The following SUMF1 variants were observed in gnomAD, a reference collection of about 807,000 sequenced individuals.
SUMF1 encodes the protein formylglycine-generating enzyme.
SUMF1 carries 48 observed loss-of-function variants against 47.6 expected under a neutral mutation model. The ratio of observed to expected loss-of-function variants is 1.01; its 90% CI spans 0.80 to 1.28. SUMF1 has a LOEUF of 1.28. SUMF1 is among the 50% of genes most tolerant of loss of function. SUMF1 has a pLI of 0.00. For missense variants in SUMF1, 571 were observed against 485.4 expected (o/e 1.18, Z -1.66); for synonymous variants, 230 against 192.1 (o/e 1.20, Z -1.63).
chr3:4,466,230 G>C (rs1010618300), intron 1 of SUMF1, among the ~76,000 whole-genome samples: 1 of 145,810 alleles, frequency 6.9e-6, no homozygotes, highest in Admixed American at 6.8e-5. Flanking sequence ...TCCTGCCTCA[G>C]CCTCCCGAGT....
intron 8 of SUMF1, among the ~76,000 whole-genome samples, chr3:4,190,700 C>T (rs1695296255): frequency 6.6e-6 from 1 of 152,032 alleles, no homozygotes; most frequent in African/African-American, 2.4e-5. Context: ...TCATAGAGGA[C>T]AAATTTAATT....
At chr3:4,204,190 T>C (rs75211881) in intron 8 of SUMF1, among the ~76,000 whole-genome samples, 2 of 152,112 alleles carry the variant, frequency 1.3e-5, no homozygotes, top group Non-Finnish European at 2.9e-5. Flanking sequence ...CAAAACTTCT[T>C]GGCTTTTGTT....
intron 8 of SUMF1, among the ~76,000 whole-genome samples, chr3:4,211,205 T>TGG (rs1695784736): frequency 9.4e-5 from 11 of 117,214 alleles, no homozygotes; most frequent in African/African-American, 4.3e-4. Flanking sequence ...CATACATACA[T>TGG]ATATATATAT....
intron 5 of SUMF1, 50 bp from the exon 6 acceptor site, chr3:4,417,292 G>A: frequency 6.5e-7 from 1 of 1,534,970 alleles, no homozygotes; most frequent in East Asian, 2.3e-5. Flanking sequence ...ACAGGTTTTG[G>A]ATGAAAGTCA....
At chr3:4,284,837 G>C (rs1307193221) in intron 8 of SUMF1, among the ~76,000 whole-genome samples, 3 of 151,784 alleles carry the variant, frequency 2.0e-5, no homozygotes, top group African/African-American at 7.3e-5. Flanking sequence ...TAAGATAAAG[G>C]GATTATTTAA....
chr3:4,259,273 T>A (rs12630212), intron 8 of SUMF1, among the ~76,000 whole-genome samples: 59,083 of 151,962 alleles, frequency 0.39, 12,006 homozygotes, highest in Non-Finnish European at 0.45. Flanking sequence ...TAAAAATAAA[T>A]AAATAAATAA....
chr3:4,139,582 A>G (rs73809325), intron 8 of SUMF1, among the ~76,000 whole-genome samples: 57,725 of 149,442 alleles, frequency 0.39, 12,230 homozygotes, highest in Non-Finnish European at 0.49. Context: ...GTGTGTGTGT[A>G]TATATATACA....
intron 8 of SUMF1, among the ~76,000 whole-genome samples, chr3:4,115,681 G>C (rs1693406632): frequency 6.6e-6 from 1 of 151,334 alleles, no homozygotes; most frequent in African/African-American, 2.5e-5. Context: ...TGAGCAGACT[G>C]ATTATTTATT....
chr3:4,039,209 A>ATTTTT (rs775459424), intron 9 of SUMF1, among the ~76,000 whole-genome samples: 1,737 of 39,500 alleles, frequency 0.044, 81 homozygotes, highest in South Asian at 0.063. Flanking sequence ...ATCTATGCAA[A>ATTTTT]TTTTTTTTTT....
intron 8 of SUMF1, among the ~76,000 whole-genome samples, chr3:4,190,067 C>T (rs1385485): frequency 0.34 from 52,142 of 151,830 alleles, 9,086 homozygotes; most frequent in East Asian, 0.4. Flanking sequence ...TCTATAAAGA[C>T]TTTTAGTTCT....
chr3:4,466,993 G>A lies in SUMF1; in HGVS notation c.253C>T (p.Gln85Ter). 2 of 1,601,410 alleles carry A rather than the reference G, an allele frequency of 1.2e-6. No homozygotes were observed. The highest frequency in any genetic ancestry group is 1.7e-5 in the Admixed American group (1 of 58,342). The stretch of plus-strand genomic sequence containing the variant: ...TGGAGCACCTTTGAGTGCGCGAGTT[G>A]CCGCTCTCCGGGTACGGGGCCCGGA... ...NAPGPVPGER[Q>*]LAHSKMVPIP... Residue 85 changes from glutamine to a stop codon, truncating the protein, a stop_gained, in exon 1 of 9, where the codon CAA becomes TAA. Coordinates refer to ENST00000272902, the MANE Select transcript of SUMF1 (RefSeq NM_182760.4). LOFTEE classifies it high-confidence loss of function.
intron 8 of SUMF1, among the ~76,000 whole-genome samples, chr3:4,077,062 T>C (rs537300669): frequency 1.4e-4 from 21 of 151,964 alleles, no homozygotes; most frequent in Non-Finnish European, 2.6e-4. Flanking sequence ...AAAATGCTCA[T>C]CATCACTGGT....
At chr3:4,322,188 T>C (rs1038173184) in intron 8 of SUMF1, among the ~76,000 whole-genome samples, 4 of 152,120 alleles carry the variant, frequency 2.6e-5, no homozygotes, top group Non-Finnish European at 5.9e-5. Context: ...CTGGATGAGA[T>C]ACTAGAACCA....
intron 8 of SUMF1, among the ~76,000 whole-genome samples, chr3:4,080,762 T>G (rs1374145624): frequency 6.6e-6 from 1 of 152,186 alleles, no homozygotes; most frequent in Admixed American, 6.5e-5. Context: ...AAAGGTTTCT[T>G]AGCTCAGGGA....
At chr3:4,288,938 T>C (rs1370822517) in intron 8 of SUMF1, among the ~76,000 whole-genome samples, 1 of 152,212 alleles carries the variant, frequency 6.6e-6, no homozygotes, top group African/African-American at 2.4e-5. Context: ...GTTTTATCCA[T>C]GAAAATCAAG....
chr3:4,093,216 G>A (rs1692825376), intron 8 of SUMF1, among the ~76,000 whole-genome samples: 1 of 152,104 alleles, frequency 6.6e-6, no homozygotes, highest in Non-Finnish European at 1.5e-5. Flanking sequence ...ATTAAACAAG[G>A]TAATACCTAG....
At chr3:4,157,621 C>T (rs543363968) in intron 8 of SUMF1, among the ~76,000 whole-genome samples, 1 of 151,594 alleles carries the variant, frequency 6.6e-6, no homozygotes, top group African/African-American at 2.4e-5. Flanking sequence ...TTTCTTCTTC[C>T]CTGTGTTCTT....
intron 8 of SUMF1, among the ~76,000 whole-genome samples, chr3:4,302,906 C>G (rs1698007420): frequency 6.6e-6 from 1 of 152,236 alleles, no homozygotes. Flanking sequence ...CACACAAATT[C>G]CTTAAGGCAC....
intron 3 of SUMF1, among the ~76,000 whole-genome samples, chr3:4,448,846 T>C (rs922820940): frequency 6.6e-6 from 1 of 152,204 alleles, no homozygotes; most frequent in African/African-American, 2.4e-5. Flanking sequence ...TCTGATCCCA[T>C]GAATTCAAAA....
Sources: gnomAD v4.1 joint callset for allele counts (sites outside exome capture counted in the v4.1 genomes callset) on GRCh38, gnomAD v4.1.1 for gene constraint, MANE v1.5 for transcripts, NCBI Gene and HGNC (gene_info 2026-07-23, HGNC 2026-07-21) for gene names.